Variants in CDK14 observed in about 807,000 individuals in gnomAD.
CDK14 encodes cyclin dependent kinase 14.
In CDK14, 34 loss-of-function variants were observed where a neutral mutation model predicts 60.7. The observed-to-expected ratio is 0.56, with a 90% CI of 0.43 to 0.75. The LOEUF is 0.75. CDK14 is among the 30% of genes least tolerant of loss of function. The pLI, the probability that CDK14 is intolerant of heterozygous loss-of-function variation, is 0.00. For synonymous variants in CDK14, 197 were observed against 203.7 expected, an observed-to-expected ratio of 0.97 and a Z score of 0.28; for missense variants, 482 against 564.1, an observed-to-expected ratio of 0.85 and a Z score of 1.47.
intron 3 of CDK14, among the ~76,000 whole-genome samples, chr7:90,734,143 C>G (rs1398549355): frequency 3.3e-5 from 5 of 152,206 alleles, no homozygotes; most frequent in Non-Finnish European, 5.9e-5. Context: ...GGCCTCCACT[C>G]TCTTCTGGCT....
intron 14 of CDK14, among the ~76,000 whole-genome samples, chr7:91,187,943 T>G (rs1329652119): frequency 6.6e-6 from 1 of 152,216 alleles, no homozygotes; most frequent in African/African-American, 2.4e-5. Context: ...GGAGCTGCCA[T>G]TTTGAACATG....
At chr7:90,680,518 C>A (rs918637508) in intron 2 of CDK14, among the ~76,000 whole-genome samples, 1 of 152,164 alleles carries the variant, frequency 6.6e-6, no homozygotes, top group African/African-American at 2.4e-5. Flanking sequence ...ATGAGACCCT[C>A]AGGTCAGATA....
chr7:90,860,481 G>A (rs553651893), intron 5 of CDK14, among the ~76,000 whole-genome samples: 3 of 149,748 alleles, frequency 2.0e-5, no homozygotes, highest in African/African-American at 7.3e-5. Context: ...AAGATGAGCA[G>A]TGTTGCAAAG....
chr7:91,130,017 G>A (rs1800069865), intron 14 of CDK14, among the ~76,000 whole-genome samples: 1 of 152,070 alleles, frequency 6.6e-6, no homozygotes, highest in Non-Finnish European at 1.5e-5. Context: ...AGATTCCCTG[G>A]TACAATTAAC....
chr7:91,074,488 A>C (rs1005161579), intron 11 of CDK14, among the ~76,000 whole-genome samples: 1 of 152,232 alleles, frequency 6.6e-6, no homozygotes, highest in African/African-American at 2.4e-5. Flanking sequence ...AATCTCTGGG[A>C]TGCAGCTAAA....
At chr7:91,076,506 G>C (rs1354346067) in intron 11 of CDK14, among the ~76,000 whole-genome samples, 1 of 151,948 alleles carries the variant, frequency 6.6e-6, no homozygotes, top group Non-Finnish European at 1.5e-5. Flanking sequence ...AACTCAAAAT[G>C]AATTAAAGAC....
At chr7:91,171,275 G>A (rs561153369) in intron 14 of CDK14, among the ~76,000 whole-genome samples, 12 of 151,982 alleles carry the variant, frequency 7.9e-5, no homozygotes, top group Non-Finnish European at 8.8e-5. Context: ...GCTTGAACCC[G>A]GGAGGTGGAG....
intron 5 of CDK14, among the ~76,000 whole-genome samples, chr7:90,793,120 C>G (rs1805902989): frequency 6.6e-6 from 1 of 151,832 alleles, no homozygotes; most frequent in Non-Finnish European, 1.5e-5. Context: ...TTAGTGAGGT[C>G]AGAGACCTTG....
chr7:90,980,675 G>T (rs992225597), intron 9 of CDK14, among the ~76,000 whole-genome samples: 1 of 152,082 alleles, frequency 6.6e-6, no homozygotes, highest in Non-Finnish European at 1.5e-5. Flanking sequence ...AGTCCTTTAA[G>T]TATAATTCTC....
At chr7:90,767,002 C>T (rs1377776316) in intron 4 of CDK14, among the ~76,000 whole-genome samples, 1 of 152,108 alleles carries the variant, frequency 6.6e-6, no homozygotes, top group Non-Finnish European at 1.5e-5. Flanking sequence ...CCATGTAGTA[C>T]CCTGGCTCCC....
At chr7:90,805,542 A>G (rs1052697144) in intron 5 of CDK14, among the ~76,000 whole-genome samples, 12 of 152,106 alleles carry the variant, frequency 7.9e-5, no homozygotes, top group East Asian at 1.9e-4. Context: ...TACTTATAAT[A>G]AAAAAGAAAT....
At chr7:90,830,403 C>T (rs1237559664) in intron 5 of CDK14, among the ~76,000 whole-genome samples, 1 of 152,214 alleles carries the variant, frequency 6.6e-6, no homozygotes, top group Non-Finnish European at 1.5e-5. Context: ...GGATGCAAGG[C>T]ACCATGTCCC....
intron 2 of CDK14, among the ~76,000 whole-genome samples, chr7:90,653,131 A>ACCAG (rs1342374460): frequency 6.6e-6 from 1 of 151,972 alleles, no homozygotes; most frequent in African/African-American, 2.4e-5. Context: ...TTTTGGCTGT[A>ACCAG]CCAGCTCCTG....
At chr7:91,062,813 A>G (rs1322989868) in intron 11 of CDK14, among the ~76,000 whole-genome samples, 1 of 152,138 alleles carries the variant, frequency 6.6e-6, no homozygotes, top group Non-Finnish European at 1.5e-5. Context: ...GGCAATTACT[A>G]CACCTGTGTG....
chr7:90,841,101 T>G (rs1790275043), intron 5 of CDK14, among the ~76,000 whole-genome samples: 1 of 152,196 alleles, frequency 6.6e-6, no homozygotes, highest in African/African-American at 2.4e-5. Flanking sequence ...TTAGAAATTG[T>G]TAAACATTTT....
At chr7:90,724,045 A>G (rs935708048) in intron 2 of CDK14, among the ~76,000 whole-genome samples, 1 of 152,196 alleles carries the variant, frequency 6.6e-6, no homozygotes, top group Non-Finnish European at 1.5e-5. Context: ...TAACTTCACC[A>G]GTGGTGCCAC....
chr7:90,710,647 G>A (rs972768549), intron 2 of CDK14: 10 of 654,222 alleles, frequency 1.5e-5, no homozygotes, highest in African/African-American at 2.0e-5. Context: ...GCAGTTCTGC[G>A]TGAAGTGCCA....
At chr7:90,934,804 G>T (rs1233341445) in intron 8 of CDK14, among the ~76,000 whole-genome samples, 1 of 152,158 alleles carries the variant, frequency 6.6e-6, no homozygotes, top group Non-Finnish European at 1.5e-5. Flanking sequence ...ATTTGTGGTT[G>T]TTTCTTTAAA....
At chr7:91,075,578 C>T (rs1227609099) in intron 11 of CDK14, among the ~76,000 whole-genome samples, 2 of 152,212 alleles carry the variant, frequency 1.3e-5, no homozygotes, top group Non-Finnish European at 2.9e-5. Flanking sequence ...TGCTCTCTCT[C>T]AACACTCCTA....
Sources: gnomAD v4.1 joint callset for allele counts (sites outside exome capture counted in the v4.1 genomes callset) on GRCh38, gnomAD v4.1.1 for gene constraint, MANE v1.5 for transcripts, NCBI Gene and HGNC (gene_info 2026-07-23, HGNC 2026-07-21) for gene names.